Variants in MYH15 observed in about 807,000 individuals in gnomAD.
The protein encoded by MYH15 is myosin heavy chain 15.
A neutral mutation model predicts 240.5 loss-of-function variants in MYH15; 227 were observed. That is an observed-to-expected ratio of 0.94 (90% CI 0.85 to 1.05). The LOEUF is 1.05. MYH15 is among the 50% of genes least tolerant of loss of function. The pLI is 0.00. For missense variants in MYH15, 2,217 were observed against 2,247.5 expected, an observed-to-expected ratio of 0.99 and a Z score of 0.27; for synonymous variants, 785 against 796.7, an observed-to-expected ratio of 0.99 and a Z score of 0.25.
chr3:108,496,599 TTA>T (rs2083392511), intron 6 of MYH15, among the ~76,000 whole-genome samples: 1 of 152,152 alleles, frequency 6.6e-6, no homozygotes, highest in South Asian at 2.1e-4. Context: ...ATGGGGGGAC[TTA>T]TATAGTATAC....
chr3:108,492,552 C>A lies in MYH15; in HGVS notation c.819G>T (p.Glu273Asp). The change falls in exon 9 of 41, where the codon GAG becomes GAT. Residue 273 changes from glutamate to aspartate, a missense_variant. Transcript: ENST00000693548. ...KSRVIFQQAG[E>D]RNYHIFYQIL... is the part of the protein sequence containing the mutation. The stretch of plus-strand genomic sequence containing the variant: ...TTTGATAGAATATGTGGTAGTTCCT[C>A]TCTCCAGCCTGCTGGAAAATCACCC... 6.2e-7 allele frequency: 1 copy of A among 1,613,708 alleles called. No individual in the cohort carries two copies. Among genetic ancestry groups the A allele is most frequent in the Non-Finnish European group, 8.5e-7 (1 of 1,179,724 alleles).
At chr3:108,476,578 T>C (rs1267548760) in intron 11 of MYH15, 63 bp from the exon 12 acceptor site, 4 of 1,091,058 alleles carry the variant, frequency 3.7e-6, no homozygotes, top group Admixed American at 3.5e-5. Flanking sequence ...TTCATTCCAT[T>C]ATAGCCAAAC....
rs1163216840 is a variant in MYH15, at chr3:108,417,822, CACACAT to C, written c.3830-898_3830-893del. 2.4e-4 allele frequency among the ~76,000 whole-genome samples: 35 copies of C among 148,752 alleles called. 1 individual carries two copies. Among genetic ancestry groups the C allele is most frequent in the East Asian group, 8.0e-4 (4 of 4,992 alleles). ...ACACACACACACACACACACACACA[CACACAT>C]ATACACACTTAAACACACACATATA... is the stretch of plus-strand genomic sequence containing the variant. On this transcript the variant is annotated intron_variant, in intron 28 of 40. Transcript: ENST00000693548.
intron 11 of MYH15, among the ~76,000 whole-genome samples, chr3:108,482,934 C>T (rs1259016150): frequency 1.3e-5 from 2 of 152,064 alleles, no homozygotes; most frequent in Non-Finnish European, 2.9e-5. Flanking sequence ...GTGTTTCAGG[C>T]CTGTAATCCC....
At chr3:108,548,878 TTATAATA>T in the MYH15 span, among the ~76,000 whole-genome samples, 1 of 152,120 alleles carries the variant, frequency 6.6e-6, no homozygotes, top group African/African-American at 2.4e-5. Context: ...TAACTAGTCC[TTATAATA>T]TATAAGTAAA....
At chr3:108,442,005 T>A (rs2082888594) in intron 22 of MYH15, among the ~76,000 whole-genome samples, 1 of 152,202 alleles carries the variant, frequency 6.6e-6, no homozygotes, top group African/African-American at 2.4e-5. Context: ...ACAGAGCACC[T>A]TTCATAACTT....
intron 23 of MYH15, among the ~76,000 whole-genome samples, chr3:108,440,472 T>C (rs2082875987): frequency 6.6e-6 from 1 of 152,156 alleles, no homozygotes; most frequent in South Asian, 2.1e-4. Context: ...CTTTGGAGAT[T>C]GTGTATCAGA....
chr3:108,419,271 G>C (rs1029282223), intron 28 of MYH15, among the ~76,000 whole-genome samples: 3 of 152,146 alleles, frequency 2.0e-5, no homozygotes, highest in African/African-American at 7.2e-5. Context: ...GACCCAGTGA[G>C]GGGAGGATAG....
At chr3:108,435,070 T>C (rs2082819946) in intron 25 of MYH15, among the ~76,000 whole-genome samples, 1 of 152,252 alleles carries the variant, frequency 6.6e-6, no homozygotes, top group African/African-American at 2.4e-5. Context: ...CATCTAATTA[T>C]TGAGTTATAG....
chr3:108,547,599 A>G, the MYH15 span, among the ~76,000 whole-genome samples: 1 of 152,150 alleles, frequency 6.6e-6, no homozygotes, highest in African/African-American at 2.4e-5. Context: ...CAAATCTCAC[A>G]TGCTTTGCTT....
rs1295836981 is a variant in MYH15 at position 108,501,724 on chromosome 3, C to T, written c.327G>A (p.Gln109=). 6 of 1,614,092 alleles carry T rather than the reference C, an allele frequency of 3.7e-6. No homozygotes were observed. Among genetic ancestry groups the T allele is most frequent in the Non-Finnish European group, 5.1e-6 (6 of 1,179,962 alleles). Residue 109 remains glutamine (Q), a synonymous_variant, in exon 3 of 41, where the codon CAG becomes CAA. Coordinates refer to ENST00000693548, the MANE Select transcript of MYH15 (RefSeq NM_014981.3). ...GCATATTACACACATAGATCATCCACTGGCCATAGCGCCGCTTCAGGGTAT... is the reference window on the plus strand; with the variant it reads ...GCATATTACACACATAGATCATCCATTGGCCATAGCGCCGCTTCAGGGTAT... The part of the protein sequence containing the change: ...VLHTLKRRYG[Q]WMIYTYSGLF...
chr3:108,477,430 A>G (rs2107591278), intron 11 of MYH15, among the ~76,000 whole-genome samples: 1 of 152,308 alleles, frequency 6.6e-6, no homozygotes, highest in South Asian at 2.1e-4. Context: ...ATATACTAAT[A>G]CCCAATAACT....
chr3:108,455,566 A>G (rs944260732), intron 20 of MYH15, among the ~76,000 whole-genome samples, 170 bp downstream of exon 20: 16 of 152,182 alleles, frequency 1.1e-4, no homozygotes, highest in Non-Finnish European at 2.1e-4. Context: ...AACATTGAAT[A>G]TTTTTCTCAA....
upstream of MYH15, among the ~76,000 whole-genome samples, chr3:108,510,769 C>T (rs916086497): frequency 3.9e-5 from 6 of 152,134 alleles, no homozygotes; most frequent in African/African-American, 4.8e-5. Context: ...ATATCTGACT[C>T]TAGCAGGGCT....
At chr3:108,426,105 G>A (rs377295015) in intron 27 of MYH15, among the ~76,000 whole-genome samples, 1 of 151,224 alleles carries the variant, frequency 6.6e-6, no homozygotes, top group Non-Finnish European at 1.5e-5. Flanking sequence ...TATGAAGAGA[G>A]AGAAATAAAG....
intron 13 of MYH15, 66 bp from the exon 14 acceptor site, chr3:108,470,278 T>A: frequency 8.4e-7 from 1 of 1,189,088 alleles, no homozygotes; most frequent in African/African-American, 1.6e-5. Context: ...TTCAAGAATG[T>A]CCAGTAAAGA....
intron 25 of MYH15, among the ~76,000 whole-genome samples, 184 bp downstream of exon 25, chr3:108,437,370 G>A (rs1403792963): frequency 6.6e-6 from 1 of 151,336 alleles, no homozygotes; most frequent in Non-Finnish European, 1.5e-5. Flanking sequence ...TTATGCATCT[G>A]GTCTCTTTAC....
chr3:108,486,758 G>A lies in MYH15; in HGVS notation c.872-232C>T, dbSNP rs530027154. On this transcript the variant is annotated intron_variant, in intron 9 of 40. Transcript: ENST00000693548. ...AGACAGGCTGGCAAATTCAAAAAGCGGATTCAATTGCAGCAGTTTCAATTG... is the reference window on the plus strand; with the variant it reads ...AGACAGGCTGGCAAATTCAAAAAGCAGATTCAATTGCAGCAGTTTCAATTG... Among the ~76,000 whole-genome samples the A allele has an allele frequency of 1.3e-4, 20 of 152,058 alleles. 1 individual carries two copies. The highest frequency in any genetic ancestry group is 7.2e-4 in the Admixed American group (11 of 15,262).
At position 108,409,038 on chromosome 3, in the gene MYH15, G is replaced by A. The variant is rs940605498; in HGVS notation, c.4496-634C>T. Among the ~76,000 whole-genome samples the A allele has an allele frequency of 7.2e-5, 11 of 152,242 alleles. 2 individuals carry two copies. The highest frequency in any genetic ancestry group is 7.2e-4 in the Admixed American group (11 of 15,298). On this transcript the variant is annotated intron_variant, in intron 31 of 40. Transcript: ENST00000693548. The stretch of plus-strand genomic sequence containing the variant: ...ACCTGATATTGTTATGGTCAGTTCT[G>A]CCTTTAGTACCTAAGAGGTGTGGTA...
Sources: gnomAD v4.1 joint callset for allele counts (sites outside exome capture counted in the v4.1 genomes callset) on GRCh38, gnomAD v4.1.1 for gene constraint, MANE v1.5 for transcripts, NCBI Gene and HGNC (gene_info 2026-07-23, HGNC 2026-07-21) for gene names.